NFAT5: variants seen among roughly 807,000 people sequenced by gnomAD.
NFAT5 encodes the protein nuclear factor of activated T cells 5.
NFAT5 carries 31 observed loss-of-function variants against 166.5 expected under a neutral mutation model. That is an observed-to-expected ratio of 0.19 (90% CI 0.14 to 0.25). The LOEUF (loss-of-function observed/expected upper bound fraction) is 0.25, where lower values mean the gene tolerates loss of function less well. Among genes scored for constraint, NFAT5 ranks in the 10% least tolerant of loss-of-function variants. NFAT5 has a pLI of 1.00. For synonymous variants in NFAT5, 612 were observed against 639.7 expected (o/e 0.96, Z 0.65); for missense variants, 1,449 against 1,821.8 (o/e 0.80, Z 3.72).
chr16:69,694,312 G>T (rs1432799459), intron 13 of NFAT5, 73 bp downstream of exon 13: 5 of 1,197,996 alleles, frequency 4.2e-6, no homozygotes, highest in Non-Finnish European at 4.7e-6. Flanking sequence ...GCAGTGGTGC[G>T]ATCTCAGCTC....
In NFAT5 at chr16:69,695,361, G is replaced by T; in HGVS notation, c.4640G>T (p.Gly1547Val). Residue 1547 changes from glycine to valine, a missense_variant, in exon 14 of 15, where the codon GGC becomes GTC. Physicochemically the swap from Gly to Val is moderately radical, Grantham distance 109. Transcript: ENST00000349945. Reference sequence around the variant, plus strand: ...CAAAACCAAGGGAACAACTTGACTGGCTCCTTTTAACTGGATATGTAAGTA... The same window carrying T: ...CAAAACCAAGGGAACAACTTGACTGTCTCCTTTTAACTGGATATGTAAGTA... ...SLQNQGNNLT[G>V]SF 1.2e-6 allele frequency: 2 copies of T among 1,612,920 alleles called. No homozygotes were observed. The highest frequency in any genetic ancestry group is 1.7e-6 in the Non-Finnish European group (2 of 1,178,966).
At chr16:69,593,061 A>G (rs933720801) in intron 2 of NFAT5, among the ~76,000 whole-genome samples, 2 of 152,218 alleles carry the variant, frequency 1.3e-5, no homozygotes, top group Non-Finnish European at 2.9e-5. Flanking sequence ...GTTAGTGTCA[A>G]AAATGAATAA....
At chr16:69,582,923 A>T (rs1354239769) in intron 2 of NFAT5, among the ~76,000 whole-genome samples, 3 of 151,960 alleles carry the variant, frequency 2.0e-5, no homozygotes, top group Admixed American at 6.6e-5. Flanking sequence ...GATTTTAGTA[A>T]GAATTATGTT....
At chr16:69,655,275 T>C (rs2035831289) in intron 5 of NFAT5, among the ~76,000 whole-genome samples, 1 of 152,162 alleles carries the variant, frequency 6.6e-6, no homozygotes, top group Non-Finnish European at 1.5e-5. Flanking sequence ...TCCCATTAGT[T>C]ATGGTGGTAG....
intron 7 of NFAT5, among the ~76,000 whole-genome samples, chr16:69,663,204 GA>G (rs1343714909): frequency 6.6e-6 from 1 of 152,126 alleles, no homozygotes; most frequent in Non-Finnish European, 1.5e-5. Flanking sequence ...ATACTCAGTG[GA>G]AAGAATTTCT....
At chr16:69,616,008 G>A (rs1261718207) in intron 2 of NFAT5, among the ~76,000 whole-genome samples, 4 of 152,130 alleles carry the variant, frequency 2.6e-5, no homozygotes, top group Admixed American at 2.6e-4. Flanking sequence ...TGCTCATCCT[G>A]CTAGGATTTT....
At chr16:69,670,439 T>C (rs7192380) in intron 9 of NFAT5, 151 bp downstream of exon 9, 266,905 of 545,142 alleles carry the variant, frequency 0.49, 69,909 homozygotes, top group East Asian at 0.77. Context: ...TTTCTTTAAC[T>C]GAAATAGAAT....
At chr16:69,589,342 T>G (rs1298307776) in intron 2 of NFAT5, among the ~76,000 whole-genome samples, 2 of 152,194 alleles carry the variant, frequency 1.3e-5, no homozygotes, top group African/African-American at 4.8e-5. Context: ...TGTCTATCAG[T>G]TGGATGTTTC....
intron 3 of NFAT5, among the ~76,000 whole-genome samples, chr16:69,639,709 G>A (rs2035119702): frequency 6.6e-6 from 1 of 152,046 alleles, no homozygotes; most frequent in Non-Finnish European, 1.5e-5. Context: ...AGGTTATTTT[G>A]CTGCTAAAAT....
At chr16:69,631,200 A>G (rs1343074465) in intron 3 of NFAT5, among the ~76,000 whole-genome samples, 1 of 152,184 alleles carries the variant, frequency 6.6e-6, no homozygotes, top group Non-Finnish European at 1.5e-5. Flanking sequence ...TGGGAGGCCG[A>G]GGTGGGTGGA....
chr16:69,593,090 A>T (rs560092961), intron 2 of NFAT5, among the ~76,000 whole-genome samples: 1 of 152,192 alleles, frequency 6.6e-6, no homozygotes, highest in Non-Finnish European at 1.5e-5. Context: ...TAGGTTTCCT[A>T]CGTGTTTTGA....
chr16:69,596,717 TAA>T (rs1177895504), intron 2 of NFAT5, among the ~76,000 whole-genome samples: 64 of 125,052 alleles, frequency 5.1e-4, no homozygotes, highest in Admixed American at 8.2e-4. Flanking sequence ...GACTCTATCT[TAA>T]AAAAAAAAAA....
At chr16:69,583,269 G>A (rs943935304) in intron 2 of NFAT5, among the ~76,000 whole-genome samples, 1 of 151,866 alleles carries the variant, frequency 6.6e-6, no homozygotes, top group African/African-American at 2.4e-5. Flanking sequence ...GCATGAGCAT[G>A]AATCACTGTA....
chr16:69,581,756 A>C (rs891137374), intron 2 of NFAT5, among the ~76,000 whole-genome samples: 7 of 152,220 alleles, frequency 4.6e-5, no homozygotes, highest in African/African-American at 1.4e-4. Flanking sequence ...AGAAATGCCT[A>C]TTCAAGGCTT....
chr16:69,588,350 G>C (rs2032231962), intron 2 of NFAT5, among the ~76,000 whole-genome samples: 1 of 152,136 alleles, frequency 6.6e-6, no homozygotes, highest in Non-Finnish European at 1.5e-5. Context: ...ACTAACTCCT[G>C]AGAATACTTA....
intron 3 of NFAT5, among the ~76,000 whole-genome samples, chr16:69,642,561 C>T (rs1395016639): frequency 1.3e-5 from 2 of 152,046 alleles, no homozygotes; most frequent in African/African-American, 4.8e-5. Context: ...TGGCTCATAC[C>T]TGTAATCCCA....
chr16:69,662,450 CTTTTTTTTT>C (rs539200298), intron 7 of NFAT5, among the ~76,000 whole-genome samples: 23 of 96,996 alleles, frequency 2.4e-4, no homozygotes, highest in Admixed American at 2.2e-3. Flanking sequence ...ACACCTCTTT[CTTTTTTTTT>C]TTTTTTTTTT....
intron 2 of NFAT5, among the ~76,000 whole-genome samples, chr16:69,619,482 T>G (rs1019889375): frequency 2.0e-5 from 3 of 152,132 alleles, no homozygotes; most frequent in Admixed American, 2.0e-4. Context: ...ATCACATGTG[T>G]TTTTCTTTTT....
At position 69,584,721 on chromosome 16, in the gene NFAT5, G is replaced by A. The variant is rs552242025; in HGVS notation, c.127+16173G>A. On this transcript the variant is annotated intron_variant, in intron 2 of 14. Transcript: ENST00000349945. ...GAGGATCCCCTGAGGCCAGGATGTC[G>A]AGGCTGAGTGAGCTATGATTGTACC... Among the ~76,000 whole-genome samples, 7 of 152,050 alleles carry A rather than the reference G, an allele frequency of 4.6e-5. 1 individual carries two copies. The highest frequency in any genetic ancestry group is 1.4e-4 in the African/African-American group (6 of 41,498).
Sources: allele counts gnomAD v4.1 joint callset (sites outside exome capture counted in the v4.1 genomes callset), GRCh38; gene constraint gnomAD v4.1.1; transcripts MANE v1.5; gene names NCBI Gene and HGNC (gene_info 2026-07-23, HGNC 2026-07-21).